The following NNMT variants were observed in gnomAD, a reference collection of about 807,000 sequenced individuals.
NNMT encodes nicotinamide N-methyltransferase.
Under a neutral mutation model 11.7 loss-of-function variants are expected in NNMT, and 10 were observed. That is an observed-to-expected ratio of 0.85 (90% CI 0.53 to 1.45). The LOEUF (loss-of-function observed/expected upper bound fraction) is 1.45, where lower values mean the gene tolerates loss of function less well. Ranked by LOEUF, NNMT falls within the 40% of genes most tolerant of loss-of-function variation. The pLI, the probability that NNMT is intolerant of heterozygous loss-of-function variation, is 0.00. For missense variants in NNMT, 381 were observed against 319.4 expected, an observed-to-expected ratio of 1.19 and a Z score of -1.47; for synonymous variants, 143 against 133.8, an observed-to-expected ratio of 1.07 and a Z score of -0.48.
chr11:114,282,240 A>C (rs577456165), intron 2 of NNMT, among the ~76,000 whole-genome samples: 1 of 152,260 alleles, frequency 6.6e-6, no homozygotes, highest in African/African-American at 2.4e-5. Flanking sequence ...CGAACAAACA[A>C]ATACCCCAAA....
At chr11:114,297,293 C>G (rs1428220156) in intron 1 of NNMT, 2 of 152,008 alleles carry the variant, frequency 1.3e-5, no homozygotes, top group Non-Finnish European at 2.9e-5. Context: ...TGCCTCCACC[C>G]TGGATTGGGG....
At chr11:114,311,788 T>C (rs1251533784) in intron 2 of NNMT, among the ~76,000 whole-genome samples, 1 of 152,208 alleles carries the variant, frequency 6.6e-6, no homozygotes, top group Non-Finnish European at 1.5e-5. Flanking sequence ...AAGTCCACGG[T>C]AGAAGCAGGC....
At chr11:114,259,630 G>A (rs576517937) in intron 1 of NNMT, among the ~76,000 whole-genome samples, 5 of 152,266 alleles carry the variant, frequency 3.3e-5, no homozygotes, top group Middle Eastern at 3.4e-3. Context: ...ACTTCCACTC[G>A]TGGGCTGGCA....
At chr11:114,266,848 T>C (rs11214922) in intron 2 of NNMT, among the ~76,000 whole-genome samples, 4,609 of 152,364 alleles carry the variant, frequency 0.03, 208 homozygotes, top group African/African-American at 0.1. Flanking sequence ...CCACACCAGA[T>C]GGCTGGTGCC....
chr11:114,260,551 C>T (rs1227830232), intron 1 of NNMT, among the ~76,000 whole-genome samples: 3 of 152,194 alleles, frequency 2.0e-5, no homozygotes, highest in South Asian at 2.1e-4. Context: ...AGAGGAGGCC[C>T]GCTCCGGGCT....
In NNMT at chr11:114,298,005, A is replaced by G; in HGVS notation, c.209A>G (p.Gln70Arg). The G allele has an allele frequency of 6.2e-7, 1 of 1,613,882 alleles. No individual in the cohort carries two copies. The highest frequency in any genetic ancestry group is 8.5e-7 in the Non-Finnish European group (1 of 1,180,020). ...IDIGSGPTIY[Q>R]LLSACESFKE... Reference sequence around the variant, plus strand: ...ATCGGCTCTGGCCCCACTATCTATCAGCTCCTCTCTGCTTGTGAATCCTTT... The same window carrying G: ...ATCGGCTCTGGCCCCACTATCTATCGGCTCCTCTCTGCTTGTGAATCCTTT... The change falls in exon 2 of 3, where the codon CAG (glutamine) becomes CGG (arginine). Residue 70 changes from glutamine (Q) to arginine (R), a missense_variant. Transcript: ENST00000299964.
At chr11:114,305,785 T>C (rs1267143319) in intron 2 of NNMT, among the ~76,000 whole-genome samples, 1 of 152,064 alleles carries the variant, frequency 6.6e-6, no homozygotes, top group Non-Finnish European at 1.5e-5. Context: ...TCTTTGCTAT[T>C]GTGAATAGTG....
chr11:114,304,111 TG>T (rs1385695289), intron 2 of NNMT, among the ~76,000 whole-genome samples: 6 of 152,210 alleles, frequency 3.9e-5, no homozygotes. Context: ...TATGACAATT[TG>T]GACAATATCT....
chr11:114,286,441 C>A (rs1050468664), intron 2 of NNMT, among the ~76,000 whole-genome samples: 4 of 152,218 alleles, frequency 2.6e-5, no homozygotes, highest in African/African-American at 9.7e-5. Context: ...CAGGCAACCA[C>A]TATCCTGGCA....
chr11:114,268,571 C>T (rs1945141762), intron 2 of NNMT, among the ~76,000 whole-genome samples: 1 of 152,060 alleles, frequency 6.6e-6, no homozygotes, highest in Non-Finnish European at 1.5e-5. Context: ...GAGATCAAGA[C>T]CATCCTGGCT....
Position 114,298,127 on chromosome 11 carries a change from G to A in NNMT, c.331G>A (p.Val111Met). 1 of 1,614,188 alleles carries A rather than the reference G, an allele frequency of 6.2e-7. No individual in the cohort carries two copies. Among genetic ancestry groups the A allele is most frequent in the Non-Finnish European group, 8.5e-7 (1 of 1,180,030 alleles). ...EPEAFDWSPV[V>M]TYVCDLEGNR... ...AGAGGCCTTTGACTGGTCCCCAGTGGTGACCTATGTGTGTGATCTTGAAGG... is the reference window on the plus strand; with the variant it reads ...AGAGGCCTTTGACTGGTCCCCAGTGATGACCTATGTGTGTGATCTTGAAGG... The change falls in exon 2 of 3, where the codon GTG (valine) becomes ATG (methionine). Residue 111 changes from valine to methionine, a missense_variant. Val to Met is a conservative substitution (Grantham distance 21). Coordinates refer to ENST00000299964, the MANE Select transcript of NNMT (RefSeq NM_006169.3).
chr11:114,282,219 G>A (rs1176670749), intron 2 of NNMT, among the ~76,000 whole-genome samples: 1 of 152,150 alleles, frequency 6.6e-6, no homozygotes, highest in African/African-American at 2.4e-5. Flanking sequence ...GTGAGACCCT[G>A]TCTCAACAAA....
chr11:114,263,355 T>C (rs906627441), intron 2 of NNMT, among the ~76,000 whole-genome samples: 8 of 152,350 alleles, frequency 5.3e-5, no homozygotes, highest in African/African-American at 1.9e-4. Flanking sequence ...CTTAGCTCTT[T>C]AGAAATGATT....
chr11:114,294,170 G>A (rs924068771), upstream of NNMT, among the ~76,000 whole-genome samples: 1 of 152,012 alleles, frequency 6.6e-6, no homozygotes, highest in African/African-American at 2.4e-5. Context: ...GGGGATGTGG[G>A]GATCATTAAT....
chr11:114,282,200 G>C (rs751468334), intron 2 of NNMT, among the ~76,000 whole-genome samples: 3 of 152,074 alleles, frequency 2.0e-5, no homozygotes. Context: ...CTCCAGCCTG[G>C]GCCACAGAGT....
At chr11:114,293,047 A>C (rs1945346027), upstream of NNMT, among the ~76,000 whole-genome samples, 1 of 152,196 alleles carries the variant, frequency 6.6e-6, no homozygotes, top group Non-Finnish European at 1.5e-5. Flanking sequence ...TAGTTTTTCC[A>C]GTTGTCCATT....
At chr11:114,270,708 C>A (rs1370224920) in intron 2 of NNMT, among the ~76,000 whole-genome samples, 2 of 152,146 alleles carry the variant, frequency 1.3e-5, no homozygotes, top group African/African-American at 4.8e-5. Context: ...GTGTTTCCCT[C>A]TTCTGATAAG....
At chr11:114,257,933 G>C (rs1004424745) in intron 1 of NNMT, 1 of 152,654 alleles carries the variant, frequency 6.6e-6, no homozygotes, top group African/African-American at 2.4e-5. Context: ...AGCTCTGCCA[G>C]CTTTACATGC....
Position 114,259,352 on chromosome 11 carries a change from G to A in NNMT, c.-217+1474G>A, listed in dbSNP as rs111796032. Among the ~76,000 whole-genome samples, 82 of 150,194 alleles carry A rather than the reference G, an allele frequency of 5.5e-4. 2 individuals are homozygous for A. The South Asian group carries it at 0.016, about 29-fold the overall frequency. ...ACACACACGCAGAGGCCCAGTGGGGGGGGGGGAGCTCCTGCATCCCCACAC... is the reference window on the plus strand; with the variant it reads ...ACACACACGCAGAGGCCCAGTGGGGAGGGGGGAGCTCCTGCATCCCCACAC... On this transcript the variant is annotated intron_variant, in intron 1 of 4. Coordinates refer to the NNMT transcript ENST00000535401.
Sources: gnomAD v4.1 joint callset for allele counts (sites outside exome capture counted in the v4.1 genomes callset) on GRCh38, gnomAD v4.1.1 for gene constraint, MANE v1.5 for transcripts, NCBI Gene and HGNC (gene_info 2026-07-23, HGNC 2026-07-21) for gene names.